Variants in NR1I2 observed in about 807,000 individuals in gnomAD.
The protein encoded by NR1I2 is nuclear receptor subfamily 1 group I member 2.
In NR1I2, 42 loss-of-function variants were observed where a neutral mutation model predicts 43.3. The ratio of observed to expected loss-of-function variants is 0.97; its 90% CI spans 0.76 to 1.26. The LOEUF (loss-of-function observed/expected upper bound fraction) is 1.26. Ranked by LOEUF, NR1I2 falls within the 50% of genes most tolerant of loss-of-function variation. NR1I2 has a pLI of 0.00. For missense variants in NR1I2, 559 were observed against 566.7 expected (o/e 0.99, Z 0.14); for synonymous variants, 229 against 215.0 (o/e 1.06, Z -0.57).
At chr3:119,790,354 T>C (rs1268064437) in intron 1 of NR1I2, among the ~76,000 whole-genome samples, 1 of 152,240 alleles carries the variant, frequency 6.6e-6, no homozygotes. Context: ...TTGCGAATAG[T>C]GCTGCTGTGA....
At chr3:119,811,920 G>A (rs1051693527) in intron 4 of NR1I2, among the ~76,000 whole-genome samples, 194 bp downstream of exon 4, 6 of 152,204 alleles carry the variant, frequency 3.9e-5, no homozygotes, top group Non-Finnish European at 8.8e-5. Flanking sequence ...TTCTGAAAGT[G>A]TGGTCCCTGG....
At chr3:119,811,780 T>C (rs1559790351) in intron 4 of NR1I2, 54 bp downstream of exon 4, 13 of 1,509,822 alleles carry the variant, frequency 8.6e-6, no homozygotes, top group Non-Finnish European at 1.2e-5. Flanking sequence ...CATTCTCACA[T>C]AGAAACTGAG....
intron 2 of NR1I2, among the ~76,000 whole-genome samples, 159 bp from the exon 3 acceptor site, chr3:119,809,902 A>G (rs1229775489): frequency 6.6e-6 from 1 of 151,874 alleles, no homozygotes; most frequent in Non-Finnish European, 1.5e-5. Flanking sequence ...ACTCCCACCT[A>G]CACCCTTCCC....
chr3:119,817,150 C>CA lies in NR1I2; in HGVS notation c.1244dup (p.Asp416GlyfsTer19). The CA allele has an allele frequency of 6.2e-7, 1 of 1,614,220 alleles. No individual in the cohort carries two copies. The highest frequency in any genetic ancestry group is 1.1e-5 in the South Asian group (1 of 91,086). On this transcript the variant is annotated frameshift_variant, in exon 9 of 9. Coordinates refer to ENST00000393716, the MANE Select transcript of NR1I2 (RefSeq NM_003889.4). LOFTEE classifies it high-confidence loss of function. ...GCACACCCAGCGGCTGCTGCGCATCCAGGACATACACCCCTTTGCTACGCC... is the reference window on the plus strand; with the variant it reads ...GCACACCCAGCGGCTGCTGCGCATCCAAGGACATACACCCCTTTGCTACGCC...
chr3:119,812,756 C>T lies in NR1I2; in HGVS notation c.590C>T (p.Ala197Val), dbSNP rs1412966426. 6.2e-7 allele frequency: 1 copy of T among 1,614,218 alleles called. No homozygotes were observed. Residue 197 changes from alanine to valine, a missense_variant, in exon 5 of 9, where the codon GCC (alanine) becomes GTC (valine). Transcript: ENST00000393716. ...CAGGCCCCATCGAGGGAAGAAGCTGCCAAGTGGAGCCAGGTCCGGAAAGAT... is the reference window on the plus strand; with the variant it reads ...CAGGCCCCATCGAGGGAAGAAGCTGTCAAGTGGAGCCAGGTCCGGAAAGAT...
chr3:119,798,639 C>CAGGAAAAA (rs1553717552), intron 1 of NR1I2, among the ~76,000 whole-genome samples: 3 of 121,646 alleles, frequency 2.5e-5, no homozygotes, highest in South Asian at 2.7e-4. Flanking sequence ...GACTCCGTCT[C>CAGGAAAAA]AAAAAAAAAA....
At chr3:119,809,448 G>A (rs1157007859) in intron 2 of NR1I2, among the ~76,000 whole-genome samples, 2 of 151,894 alleles carry the variant, frequency 1.3e-5, no homozygotes, top group Admixed American at 6.5e-5. Context: ...CTGCCATGGG[G>A]AAGTCGCTGC....
chr3:119,783,595 A>T, intron 1 of NR1I2, among the ~76,000 whole-genome samples: 1 of 152,246 alleles, frequency 6.6e-6, no homozygotes, highest in Non-Finnish European at 1.5e-5. Context: ...CAAGACAACC[A>T]CAAAACTGAC....
At position 119,815,408 on chromosome 3, in the gene NR1I2, G is replaced by T. The variant is rs755393765; in HGVS notation, c.1023G>T (p.Val341=). 8.7e-6 allele frequency: 14 copies of T among 1,612,948 alleles called. No individual in the cohort carries two copies. In the East Asian group the frequency reaches 3.1e-4, roughly 36 times the overall value. Residue 341 remains valine (V), a synonymous_variant, in exon 7 of 9, where the codon GTG becomes GTT. Coordinates refer to ENST00000393716, the MANE Select transcript of NR1I2 (RefSeq NM_003889.4). Reference sequence around the variant, plus strand: ...TGCAGCTGCATGAGGAGGAGTATGTGCTGATGCAGGCCATCTCCCTCTTCT... The same window carrying T: ...TGCAGCTGCATGAGGAGGAGTATGTTCTGATGCAGGCCATCTCCCTCTTCT...
intron 2 of NR1I2, among the ~76,000 whole-genome samples, chr3:119,809,570 CG>C (rs1267467806): frequency 7.6e-4 from 3 of 3,956 alleles, no homozygotes; most frequent in Admixed American, 3.0e-3. Context: ...GGGGGGAAGG[CG>C]GGGGGGTGGG....
intron 1 of NR1I2, among the ~76,000 whole-genome samples, chr3:119,801,561 G>T (rs1327347483): frequency 6.6e-6 from 1 of 152,202 alleles, no homozygotes; most frequent in East Asian, 1.9e-4. Context: ...GCAGCTGCTG[G>T]GCTGGCTCCC....
chr3:119,791,329 C>T (rs960087599), intron 1 of NR1I2, among the ~76,000 whole-genome samples: 3 of 152,094 alleles, frequency 2.0e-5, no homozygotes, highest in Non-Finnish European at 2.9e-5. Context: ...GTGGCCTCCT[C>T]CTGCAATGTC....
chr3:119,787,700 TGTGTGTG>T (rs2054860700), intron 1 of NR1I2, among the ~76,000 whole-genome samples: 1 of 127,174 alleles, frequency 7.9e-6, no homozygotes, highest in Non-Finnish European at 1.7e-5. Flanking sequence ...TGTGTGTGTG[TGTGTGTG>T]GTGTGTATGT....
intron 4 of NR1I2, 106 bp downstream of exon 4, chr3:119,811,832 C>A: frequency 9.4e-7 from 1 of 1,068,292 alleles, no homozygotes; most frequent in Non-Finnish European, 1.4e-6. Context: ...CACAGCTAAT[C>A]AGTGGTGGAG....
intron 3 of NR1I2, chr3:119,811,019 T>C (rs1411787582): frequency 6.4e-6 from 1 of 155,554 alleles, no homozygotes; most frequent in African/African-American, 2.4e-5. Context: ...CTCTGAAGAG[T>C]CTTGGTATAT....
chr3:119,782,910 C>A, intron 1 of NR1I2: 1 of 1,398,298 alleles, frequency 7.2e-7, no homozygotes, highest in East Asian at 2.3e-5. Context: ...CCGAGTCTTG[C>A]CTGCATGTGG....
Position 119,812,841 on chromosome 3 carries a change from C to T in NR1I2, c.675C>T (p.Tyr225=). ...GGGAGGATGGCAGTGTCTGGAACTA[C>T]AAACCCCCAGCCGACAGTGGCGGGA... Residue 225 remains tyrosine, a synonymous_variant, in exon 5 of 9, where the codon TAC becomes TAT. Coordinates refer to ENST00000393716, the MANE Select transcript of NR1I2 (RefSeq NM_003889.4). 6.2e-7 allele frequency: 1 copy of T among 1,614,238 alleles called. No individual in the cohort carries two copies. Among genetic ancestry groups the T allele is most frequent in the Non-Finnish European group, 8.5e-7 (1 of 1,180,046 alleles).
intron 1 of NR1I2, among the ~76,000 whole-genome samples, chr3:119,806,765 A>C (rs151011759): frequency 1.3e-5 from 2 of 152,080 alleles, no homozygotes; most frequent in East Asian, 3.9e-4. Context: ...TCCCTGTGGG[A>C]GCTTGGGCCA....
rs186964018 is a variant in NR1I2 at position 119,786,533 on chromosome 3, A to G, written c.-23+4233A>G. ...AAGTTCCAAAGAGTCAAACTATAAAACCACAGGCAACACTGGCACTACACA... is the reference window on the plus strand; with the variant it reads ...AAGTTCCAAAGAGTCAAACTATAAAGCCACAGGCAACACTGGCACTACACA... On this transcript the variant is annotated intron_variant, in intron 1 of 8. Transcript: ENST00000393716. Among the ~76,000 whole-genome samples the G allele has an allele frequency of 1.3e-4, 20 of 152,316 alleles. No individual in the cohort carries two copies. The East Asian group carries it at 2.7e-3, about 21-fold the overall frequency.
Sources: gnomAD v4.1 joint callset for allele counts (sites outside exome capture counted in the v4.1 genomes callset) on GRCh38, gnomAD v4.1.1 for gene constraint, MANE v1.5 for transcripts, NCBI Gene and HGNC (gene_info 2026-07-23, HGNC 2026-07-21) for gene names.